The following AFF1 variants were observed in gnomAD, a reference collection of about 807,000 sequenced individuals.
AFF1 encodes the protein ALF transcription elongation factor 1.
Under a neutral mutation model 121.7 loss-of-function variants are expected in AFF1, and 48 were observed. The ratio of observed to expected loss-of-function variants is 0.39; its 90% confidence interval spans 0.31 to 0.50. The LOEUF (loss-of-function observed/expected upper bound fraction) is 0.50, where lower values mean the gene tolerates loss of function less well. Ranked by LOEUF, AFF1 falls within the 20% of genes least tolerant of loss-of-function variation. The pLI is 0.76. For missense variants in AFF1, 1,523 were observed against 1,511.7 expected, an observed-to-expected ratio of 1.01 and a Z score of -0.12; for synonymous variants, 613 against 563.0, an observed-to-expected ratio of 1.09 and a Z score of -1.26.
chr4:87,011,535 C>G (rs181023311), intron 2 of AFF1, among the ~76,000 whole-genome samples: 2 of 152,198 alleles, frequency 1.3e-5, no homozygotes, highest in South Asian at 2.1e-4. Flanking sequence ...GAAGAAAATT[C>G]ATGAATGCAA....
intron 2 of AFF1, among the ~76,000 whole-genome samples, chr4:87,043,419 C>T (rs994601926): frequency 1.3e-5 from 2 of 152,192 alleles, no homozygotes; most frequent in Non-Finnish European, 2.9e-5. Context: ...CAAAAACTGG[C>T]TCAAAGTGGC....
chr4:87,122,473 G>T (rs969486345), intron 12 of AFF1, among the ~76,000 whole-genome samples: 1 of 152,210 alleles, frequency 6.6e-6, no homozygotes, highest in African/African-American at 2.4e-5. Flanking sequence ...TTGTTGGCAT[G>T]TGGCCACTCT....
chr4:86,975,101 T>C (rs1723210560), intron 2 of AFF1, among the ~76,000 whole-genome samples: 1 of 152,268 alleles, frequency 6.6e-6, no homozygotes, highest in Non-Finnish European at 1.5e-5. Flanking sequence ...TACTTCTCTC[T>C]TGTGCACCCT....
At chr4:87,119,576 A>T (rs1450300805) in intron 12 of AFF1, among the ~76,000 whole-genome samples, 1 of 152,208 alleles carries the variant, frequency 6.6e-6, no homozygotes, top group Non-Finnish European at 1.5e-5. Flanking sequence ...GTCTCTAAAA[A>T]AAGAAAAATA....
Position 87,131,031 on chromosome 4 carries a change from C to A in AFF1, c.2965-52C>A, listed in dbSNP as rs7699407. 6,165 of 1,596,728 alleles carry A rather than the reference C, an allele frequency of 3.9e-3. 227 individuals carry two copies. The African/African-American group carries it at 0.074, about 19-fold the overall frequency. On this transcript the variant is annotated intron_variant, in intron 16 of 20. Coordinates refer to ENST00000395146, the MANE Select transcript of AFF1 (RefSeq NM_001166693.3). ...CACACTAAAGAATGTGGGTGAGAAA[C>A]TAAATCAAGGTTTGTCTTCAGCCTA...
At chr4:87,094,853 C>T (rs2149723041) in intron 7 of AFF1, 62 bp from the exon 8 acceptor site, 1 of 1,545,534 alleles carries the variant, frequency 6.5e-7, no homozygotes, top group Non-Finnish European at 8.9e-7. Flanking sequence ...TAAAAGAACT[C>T]ACAACTAAGG....
intron 4 of AFF1, among the ~76,000 whole-genome samples, chr4:87,078,833 T>A (rs1722914206): frequency 6.6e-6 from 1 of 152,222 alleles, no homozygotes; most frequent in Non-Finnish European, 1.5e-5. Context: ...TGGGATTTTT[T>A]TTTTAAGCTG....
In AFF1 at chr4:87,135,567, GT is replaced by G. The variant is rs56703224; in HGVS notation, c.3536-5del. 0.6 allele frequency: 914,961 copies of G among 1,526,210 alleles called. 275,864 individuals are homozygous for G. Among genetic ancestry groups the G allele is most frequent in the Admixed American group, 0.68 (30,361 of 44,384 alleles). 94.5% of individuals were successfully genotyped at this position (1,526,210 alleles called of 1,614,324 possible). A position where few individuals can be genotyped will look rare whatever the true frequency, so the allele number is the denominator to read the frequency against. Reference sequence around the variant, plus strand: ...TATTTACTTGTTTTTGTTTTGTTTTGTTTTTTTTGCAGAATTCTTTGCTCGG... The same window carrying G: ...TATTTACTTGTTTTTGTTTTGTTTTGTTTTTTTGCAGAATTCTTTGCTCGG... On this transcript the variant is annotated splice_polypyrimidine_tract_variant and intron_variant, in intron 20 of 20. Coordinates refer to ENST00000395146, the MANE Select transcript of AFF1 (RefSeq NM_001166693.3).
intron 4 of AFF1, among the ~76,000 whole-genome samples, chr4:87,072,572 A>C (rs928138041): frequency 6.6e-6 from 1 of 151,926 alleles, no homozygotes; most frequent in Non-Finnish European, 1.5e-5. Flanking sequence ...CTCAGGCTGG[A>C]GTGCAGTGGC....
intron 2 of AFF1, among the ~76,000 whole-genome samples, chr4:86,988,356 T>G (rs1442072656): frequency 6.6e-6 from 1 of 151,882 alleles, no homozygotes; most frequent in Non-Finnish European, 1.5e-5. Flanking sequence ...GACCATCATA[T>G]GGTTCTCTAC....
chr4:87,053,580 C>G (rs1170920513), intron 4 of AFF1, among the ~76,000 whole-genome samples: 2 of 152,212 alleles, frequency 1.3e-5, no homozygotes, highest in Non-Finnish European at 2.9e-5. Context: ...CGATGGTGCA[C>G]ATCCTGCTCC....
In AFF1 at chr4:87,138,385, A is replaced by T. The variant is rs1729463975; in HGVS notation, c.*2684A>T. 4.3e-6 allele frequency: 1 copy of T among 232,378 alleles called. No homozygotes were observed. The highest frequency in any genetic ancestry group is 2.2e-5 in the African/African-American group (1 of 45,418). The allele number at this position is 232,378 out of a possible 1,614,324, so 14.4% of individuals were successfully genotyped here. A position where few individuals can be genotyped will look rare whatever the true frequency, so the allele number is the denominator to read the frequency against. On this transcript the variant is annotated 3_prime_UTR_variant, in exon 21 of 21. Transcript: ENST00000395146. ...AGATTATAAAATTAAGCCTTAGAGT[A>T]TGGAAAGTTCTTATAACAATAATAG...
At position 86,944,376 on chromosome 4, in the gene AFF1, T is replaced by A. The variant is rs1401039487; in HGVS notation, c.-36-4122T>A. ...TAAGAAGAATAATTTTCTGGAGGTT[T>A]TTTTTTTTTTTGGACAGTCTTGTTC... On this transcript the variant is annotated intron_variant, in intron 1 of 20. Coordinates refer to ENST00000395146, the MANE Select transcript of AFF1 (RefSeq NM_001166693.3). Among the ~76,000 whole-genome samples, 6 of 6,380 alleles carry A rather than the reference T, an allele frequency of 9.4e-4. No homozygotes were observed. The Non-Finnish European group carries it at 0.051, about 54-fold the overall frequency. The allele number at this position is 6,380 out of a possible 152,430, so 4.2% of individuals were successfully genotyped here. A position where few individuals can be genotyped will look rare whatever the true frequency, so the allele number is the denominator to read the frequency against.
chr4:86,954,298 G>C (rs1721585875), intron 2 of AFF1, among the ~76,000 whole-genome samples: 1 of 152,162 alleles, frequency 6.6e-6, no homozygotes, highest in Admixed American at 6.5e-5. Flanking sequence ...CTCCCTAAAA[G>C]CTTAACTACT....
intron 2 of AFF1, among the ~76,000 whole-genome samples, chr4:86,985,169 TA>T (rs1724114653): frequency 5.1e-5 from 5 of 97,904 alleles, no homozygotes; most frequent in East Asian, 3.3e-4. Flanking sequence ...ATAATATATA[TA>T]ATATGTATTA....
intron 2 of AFF1, among the ~76,000 whole-genome samples, chr4:86,970,467 T>G (rs368158399): frequency 1.3e-5 from 2 of 152,238 alleles, no homozygotes; most frequent in Non-Finnish European, 2.9e-5. Context: ...CATATTTTTA[T>G]TTTTAGTTAA....
intron 2 of AFF1, among the ~76,000 whole-genome samples, chr4:86,973,146 C>T (rs372498196): frequency 9.0e-4 from 137 of 152,230 alleles, no homozygotes; most frequent in Non-Finnish European, 1.6e-3. Flanking sequence ...CACTGCTGCA[C>T]GGAGGCAGTG....
chr4:86,979,398 GC>G (rs1401126632), intron 2 of AFF1, among the ~76,000 whole-genome samples: 1 of 152,032 alleles, frequency 6.6e-6, no homozygotes, highest in Non-Finnish European at 1.5e-5. Flanking sequence ...TGCCCAGCCT[GC>G]CCCTGCTTCT....
At chr4:87,098,431 C>A (rs776360231) in intron 8 of AFF1, among the ~76,000 whole-genome samples, 2 of 152,130 alleles carry the variant, frequency 1.3e-5, no homozygotes, top group Non-Finnish European at 2.9e-5. Context: ...CTGTGAAGTG[C>A]TGAGGACAAA....
Sources: gnomAD v4.1 joint callset for allele counts (sites outside exome capture counted in the v4.1 genomes callset) on GRCh38, gnomAD v4.1.1 for gene constraint, MANE v1.5 for transcripts, NCBI Gene and HGNC (gene_info 2026-07-23, HGNC 2026-07-21) for gene names.